The following ERAP1 variants were observed in gnomAD, a reference collection of about 807,000 sequenced individuals.
ERAP1 encodes endoplasmic reticulum aminopeptidase 1.
Under a neutral mutation model 103.7 loss-of-function variants are expected in ERAP1, and 86 were observed. The ratio of observed to expected loss-of-function variants is 0.83; its 90% CI spans 0.70 to 0.99. ERAP1 has a LOEUF of 0.99. Ranked by LOEUF, ERAP1 falls within the 50% of genes least tolerant of loss-of-function variation. ERAP1 has a pLI of 0.00. For synonymous variants in ERAP1, 398 were observed against 402.4 expected (o/e 0.99, Z 0.13); for missense variants, 1,009 against 1,128.4 (o/e 0.89, Z 1.52).
At chr5:96,857,345 A>C in the ERAP1 span, among the ~76,000 whole-genome samples, 1 of 152,296 alleles carries the variant, frequency 6.6e-6, no homozygotes, top group Admixed American at 6.5e-5. Context: ...CCCCTAGTTA[A>C]GTGAAGTACT....
chr5:96,771,601 T>C (rs1392849088), downstream of ERAP1: 4 of 1,560,284 alleles, frequency 2.6e-6, no homozygotes, highest in Non-Finnish European at 3.5e-6. Flanking sequence ...TCATACTTAA[T>C]ACAGAAAAGA....
At chr5:96,922,599 T>C in the ERAP1 span, among the ~76,000 whole-genome samples, 25 of 152,250 alleles carry the variant, frequency 1.6e-4, no homozygotes, top group Admixed American at 6.5e-4. Flanking sequence ...CTTGAGCTAA[T>C]AGGAATCAAA....
the ERAP1 span, among the ~76,000 whole-genome samples, chr5:96,839,675 A>G: frequency 6.6e-6 from 1 of 151,486 alleles, no homozygotes; most frequent in Non-Finnish European, 1.5e-5. Context: ...TTCCTCCTTC[A>G]CTCCCTGCTC....
the ERAP1 span, among the ~76,000 whole-genome samples, chr5:96,851,858 G>A: frequency 9.8e-4 from 149 of 152,246 alleles, no homozygotes; most frequent in Non-Finnish European, 1.6e-3. Flanking sequence ...GGAAAGCTGA[G>A]ACACGTGGGA....
downstream of ERAP1, chr5:96,772,567 A>G (rs1772850219): frequency 6.5e-6 from 1 of 152,768 alleles, no homozygotes; most frequent in Non-Finnish European, 1.5e-5. Context: ...GCTAAGTGGT[A>G]TATTTACTAT....
chr5:96,798,290 A>C (rs1777576811), intron 3 of ERAP1, among the ~76,000 whole-genome samples: 1 of 137,770 alleles, frequency 7.3e-6, no homozygotes, highest in Admixed American at 8.3e-5. Flanking sequence ...ACGCCACTGC[A>C]CTCCAGCCTG....
intron 1 of ERAP1, 50 bp downstream of exon 1, chr5:96,807,810 G>A (rs1045260671): frequency 4.2e-5 from 41 of 982,544 alleles, no homozygotes; most frequent in Non-Finnish European, 4.8e-5. Flanking sequence ...CGGGTGCCGC[G>A]CTCTCCTCCC....
At chr5:96,854,859 C>G in the ERAP1 span, among the ~76,000 whole-genome samples, 1 of 152,142 alleles carries the variant, frequency 6.6e-6, no homozygotes, top group Non-Finnish European at 1.5e-5. Context: ...AAAATACTAT[C>G]CAAGGGTAGC....
chr5:96,760,936 G>A (rs1406809435), exon 20 of ERAP1: 2 of 151,966 alleles, frequency 1.3e-5, no homozygotes, highest in East Asian at 1.9e-4. Flanking sequence ...GCATTTTTCA[G>A]TACTTTTAGG....
downstream of ERAP1, chr5:96,774,194 CTTT>C (rs1773474512): frequency 6.5e-6 from 1 of 153,868 alleles, no homozygotes; most frequent in African/African-American, 2.4e-5. Context: ...ACCTTGAAAC[CTTT>C]GACACTGACA....
the ERAP1 span, chr5:96,915,879 A>T: frequency 3.0e-6 from 3 of 986,314 alleles, no homozygotes; most frequent in Non-Finnish European, 4.4e-6. Context: ...TTTTTAAAAA[A>T]GTTGTTTGTC....
chr5:96,809,667 G>T (rs141196749), upstream of ERAP1, among the ~76,000 whole-genome samples: 270 of 152,210 alleles, frequency 1.8e-3, 1 homozygote, highest in African/African-American at 6.3e-3. Context: ...AACAAGAAAT[G>T]AGGACTTTGA....
intron 16 of ERAP1, among the ~76,000 whole-genome samples, 200 bp from the exon 17 acceptor site, chr5:96,781,398 A>G (rs1215070560): frequency 6.6e-6 from 1 of 152,162 alleles, no homozygotes; most frequent in Non-Finnish European, 1.5e-5. Flanking sequence ...CATAACACCC[A>G]TTCTCATATA....
the ERAP1 span, among the ~76,000 whole-genome samples, chr5:96,878,032 G>A: frequency 6.6e-6 from 1 of 152,206 alleles, no homozygotes; most frequent in Non-Finnish European, 1.5e-5. Context: ...CAGTAAGGAA[G>A]TAAGTAGAGG....
chr5:96,843,184 C>A, the ERAP1 span, among the ~76,000 whole-genome samples: 1 of 152,162 alleles, frequency 6.6e-6, no homozygotes, highest in Admixed American at 6.5e-5. Context: ...TAGGCCGGCA[C>A]AAGCAGCTCA....
chr5:96,791,196 T>G (rs1468614191), intron 8 of ERAP1, among the ~76,000 whole-genome samples: 1 of 152,142 alleles, frequency 6.6e-6, no homozygotes, highest in African/African-American at 2.4e-5. Context: ...CCTGTATTCC[T>G]TGGTAAAGGG....
At chr5:96,828,671 C>T in the ERAP1 span, among the ~76,000 whole-genome samples, 374 of 151,922 alleles carry the variant, frequency 2.5e-3, 6 homozygotes, top group East Asian at 0.01. Context: ...CCATACTGAC[C>T]CCATCCTGGA....
chr5:96,857,390 C>T, the ERAP1 span, among the ~76,000 whole-genome samples: 1 of 152,130 alleles, frequency 6.6e-6, no homozygotes, highest in Non-Finnish European at 1.5e-5. Flanking sequence ...AGAACTTCAT[C>T]TTGTGATAAT....
the ERAP1 span, chr5:96,913,280 C>T: frequency 1.2e-5 from 19 of 1,565,030 alleles, 1 homozygote; most frequent in South Asian, 2.0e-4. Flanking sequence ...GTACATAATA[C>T]CTACTATTTA....
Sources: gnomAD v4.1 joint callset for allele counts (sites outside exome capture counted in the v4.1 genomes callset) on GRCh38, gnomAD v4.1.1 for gene constraint, MANE v1.5 for transcripts, NCBI Gene and HGNC (gene_info 2026-07-23, HGNC 2026-07-21) for gene names.